The following SPATA16 variants were observed in gnomAD, a reference collection of about 807,000 sequenced individuals.
SPATA16 encodes the protein spermatogenesis associated 16.
SPATA16 carries 36 observed loss-of-function variants against 63.3 expected under a neutral mutation model. The ratio of observed to expected loss-of-function variants is 0.57; its 90% CI spans 0.44 to 0.75. SPATA16 has a LOEUF of 0.75. SPATA16 is among the 30% of genes least tolerant of loss of function. The pLI is 0.00. For missense variants in SPATA16, 646 were observed against 679.3 expected (o/e 0.95, Z 0.54); for synonymous variants, 203 against 216.7 (o/e 0.94, Z 0.56).
At chr3:173,093,668 A>G (rs1737277915) in intron 2 of SPATA16, among the ~76,000 whole-genome samples, 1 of 152,198 alleles carries the variant, frequency 6.6e-6, no homozygotes, top group South Asian at 2.1e-4. Flanking sequence ...GAAGTTATGT[A>G]TTTGAGACAG....
At chr3:172,895,903 G>A (rs961482608) in intron 10 of SPATA16, among the ~76,000 whole-genome samples, 4 of 149,888 alleles carry the variant, frequency 2.7e-5, no homozygotes, top group Non-Finnish European at 5.9e-5. Context: ...TTGTATACAG[G>A]TCTTTGTTTG....
At chr3:173,058,952 A>G (rs902262489) in intron 2 of SPATA16, among the ~76,000 whole-genome samples, 1 of 151,718 alleles carries the variant, frequency 6.6e-6, no homozygotes, top group Non-Finnish European at 1.5e-5. Context: ...CTTTTTAATC[A>G]TTCTGTTCAG....
intron 2 of SPATA16, among the ~76,000 whole-genome samples, chr3:173,062,044 A>ATTTTTTTTTTTTTTTTTTTTTTT (rs10618031): frequency 8.7e-6 from 1 of 115,538 alleles, no homozygotes; most frequent in Non-Finnish European, 1.7e-5. Context: ...GTGCTTCAAC[A>ATTTTTTTTTTTTTTTTTTTTTTT]TTTTTTTTTT....
intron 4 of SPATA16, among the ~76,000 whole-genome samples, chr3:173,015,617 A>G (rs1010697089): frequency 3.3e-5 from 5 of 152,208 alleles, no homozygotes; most frequent in Admixed American, 6.5e-5. Context: ...TCTTATTGAT[A>G]TAGCTGAATG....
At chr3:172,917,790 A>G (rs1377990719) in intron 8 of SPATA16, among the ~76,000 whole-genome samples, 1 of 152,226 alleles carries the variant, frequency 6.6e-6, no homozygotes, top group Non-Finnish European at 1.5e-5. Flanking sequence ...TCCTCTAAGG[A>G]GAAAAACTGC....
chr3:172,945,977 G>T (rs887761923), intron 6 of SPATA16, among the ~76,000 whole-genome samples: 1 of 152,144 alleles, frequency 6.6e-6, no homozygotes, highest in African/African-American at 2.4e-5. Flanking sequence ...CTCTGGGAGA[G>T]ACTCCTTCCT....
At chr3:172,956,103 AG>A (rs1334891946) in intron 6 of SPATA16, among the ~76,000 whole-genome samples, 1 of 152,164 alleles carries the variant, frequency 6.6e-6, no homozygotes, top group Non-Finnish European at 1.5e-5. Flanking sequence ...CTTGATGCAC[AG>A]TAGGTAGTAC....
chr3:173,053,218 T>G (rs1034566486), intron 2 of SPATA16, among the ~76,000 whole-genome samples: 2 of 152,068 alleles, frequency 1.3e-5, no homozygotes, highest in African/African-American at 4.8e-5. Flanking sequence ...TAACCAGGCA[T>G]GGTGGCGGGC....
At chr3:173,000,716 GT>G (rs371952695) in intron 4 of SPATA16, among the ~76,000 whole-genome samples, 9,358 of 139,978 alleles carry the variant, frequency 0.067, 975 homozygotes, top group African/African-American at 0.22. Flanking sequence ...CTGTTCTGTG[GT>G]TTTTTTTTTT....
At chr3:173,087,302 C>T (rs946746047) in intron 2 of SPATA16, among the ~76,000 whole-genome samples, 2 of 152,074 alleles carry the variant, frequency 1.3e-5, no homozygotes, top group African/African-American at 4.8e-5. Context: ...CTTTTTTGAT[C>T]TTTGTTGGTT....
intron 5 of SPATA16, among the ~76,000 whole-genome samples, chr3:172,974,520 G>C (rs9833374): frequency 0.039 from 5,899 of 151,924 alleles, 388 homozygotes; most frequent in African/African-American, 0.14. Flanking sequence ...ATTTAGGACA[G>C]AACAAGGTTT....
chr3:173,114,646 C>T (rs1737846085), intron 2 of SPATA16, among the ~76,000 whole-genome samples: 1 of 152,156 alleles, frequency 6.6e-6, no homozygotes, highest in African/African-American at 2.4e-5. Flanking sequence ...ATTTTGCAGC[C>T]AAACCTAACC....
chr3:173,093,161 GTTC>G (rs1224277218), intron 2 of SPATA16, among the ~76,000 whole-genome samples: 1 of 151,624 alleles, frequency 6.6e-6, no homozygotes, highest in Non-Finnish European at 1.5e-5. Flanking sequence ...CTAAGACTAT[GTTC>G]TTCTTACATT....
At chr3:173,065,301 G>A (rs2108303218) in intron 2 of SPATA16, among the ~76,000 whole-genome samples, 1 of 151,220 alleles carries the variant, frequency 6.6e-6, no homozygotes, top group East Asian at 1.9e-4. Context: ...CTATAGTTTT[G>A]TGGAATTCAT....
intron 4 of SPATA16, among the ~76,000 whole-genome samples, chr3:173,013,099 TA>T (rs1735107524): frequency 1.3e-5 from 2 of 152,168 alleles, no homozygotes; most frequent in East Asian, 3.9e-4. Flanking sequence ...CATTAAAAAT[TA>T]GGCAAAGAAC....
chr3:173,104,131 A>G (rs73030963), intron 2 of SPATA16, among the ~76,000 whole-genome samples: 7 of 152,162 alleles, frequency 4.6e-5, no homozygotes, highest in Non-Finnish European at 1.0e-4. Flanking sequence ...CCTCATTTCC[A>G]TCTGAGACTT....
chr3:172,924,220 G>T lies in SPATA16; in HGVS notation c.1326C>A (p.Ser442Arg). The T allele has an allele frequency of 6.2e-7, 1 of 1,611,578 alleles. No individual in the cohort carries two copies. The highest frequency in any genetic ancestry group is 2.2e-5 in the East Asian group (1 of 44,792). The change falls in exon 8 of 11, where the codon AGC becomes AGA. Residue 442 changes from serine to arginine, a missense_variant. Physicochemically the swap from Ser to Arg is moderately radical, Grantham distance 110. Coordinates refer to ENST00000351008, the MANE Select transcript of SPATA16 (RefSeq NM_031955.6). ...RILPILDFIR[S>R]TQLNGSFPAS... is the part of the protein sequence containing the mutation. ...CTCATATACCTACATTCAATTGGGT[G>T]CTTCTAATAAAATCCAATATTGGCA... is the stretch of plus-strand genomic sequence containing the variant.
chr3:173,071,738 T>C (rs968738630), intron 2 of SPATA16, among the ~76,000 whole-genome samples: 1 of 152,042 alleles, frequency 6.6e-6, no homozygotes, highest in African/African-American at 2.4e-5. Context: ...GATAAAAAAA[T>C]GTGAATTAAA....
At chr3:172,993,885 T>C (rs1262158340) in intron 4 of SPATA16, among the ~76,000 whole-genome samples, 2 of 152,118 alleles carry the variant, frequency 1.3e-5, no homozygotes, top group East Asian at 3.9e-4. Flanking sequence ...GACTGAAGTC[T>C]TGTATTATTC....
Sources: allele counts gnomAD v4.1 joint callset (sites outside exome capture counted in the v4.1 genomes callset), GRCh38; gene constraint gnomAD v4.1.1; transcripts MANE v1.5; gene names NCBI Gene and HGNC (gene_info 2026-07-23, HGNC 2026-07-21).